Variants in CTNNA2 observed in about 807,000 individuals in gnomAD.
CTNNA2 encodes the protein catenin alpha 2.
CTNNA2 carries 42 observed loss-of-function variants against 101.0 expected under a neutral mutation model. The ratio of observed to expected loss-of-function variants is 0.42; its 90% CI spans 0.32 to 0.54. The LOEUF (loss-of-function observed/expected upper bound fraction) is 0.54. Ranked by LOEUF, CTNNA2 falls within the 20% of genes least tolerant of loss-of-function variation. The pLI, the probability that CTNNA2 is intolerant of heterozygous loss-of-function variation, is 0.14. For missense variants in CTNNA2, 871 were observed against 1,223.1 expected (o/e 0.71, Z 4.29); for synonymous variants, 450 against 456.4 (o/e 0.99, Z 0.18).
chr2:79,325,522 A>G (rs529496274), intron 3 of CTNNA2, among the ~76,000 whole-genome samples: 31 of 152,382 alleles, frequency 2.0e-4, no homozygotes, highest in Admixed American at 9.8e-4. Flanking sequence ...CAAGTGGCTT[A>G]TAAAACAAGA....
intron 3 of CTNNA2, among the ~76,000 whole-genome samples, chr2:79,813,282 A>T (rs1350523173): frequency 6.6e-6 from 1 of 152,208 alleles, no homozygotes; most frequent in African/African-American, 2.4e-5. Flanking sequence ...GCAAAAATAG[A>T]CATCAGAAGG....
chr2:80,073,969 A>G (rs1558781845), intron 7 of CTNNA2, among the ~76,000 whole-genome samples: 1 of 152,220 alleles, frequency 6.6e-6, no homozygotes, highest in East Asian at 1.9e-4. Flanking sequence ...TATTTCTAAT[A>G]TTGACCTACG....
At chr2:80,463,469 G>A (rs556047381) in intron 9 of CTNNA2, among the ~76,000 whole-genome samples, 2 of 152,196 alleles carry the variant, frequency 1.3e-5, no homozygotes, top group African/African-American at 2.4e-5. Flanking sequence ...AGAATCATTC[G>A]GCTCTGGTTA....
At chr2:80,261,169 C>T (rs1672576397) in intron 7 of CTNNA2, among the ~76,000 whole-genome samples, 1 of 152,184 alleles carries the variant, frequency 6.6e-6, no homozygotes. Context: ...ATATGGCTCT[C>T]CTCAGATGAC....
intron 4 of CTNNA2, among the ~76,000 whole-genome samples, chr2:79,414,393 C>T (rs1360564036): frequency 6.6e-6 from 1 of 151,760 alleles, no homozygotes. Flanking sequence ...AATAGAAATC[C>T]CTAAGTATAT....
rs77828228 is a variant in CTNNA2 at position 80,552,684 on chromosome 2, G to A, written c.1541-3009G>A. 5.8e-3 allele frequency among the ~76,000 whole-genome samples: 879 copies of A among 152,150 alleles called. 6 individuals carry two copies. The highest frequency in any genetic ancestry group is 0.02 in the African/African-American group (819 of 41,502). On this transcript the variant is annotated intron_variant, in intron 11 of 18. Coordinates refer to ENST00000402739, the MANE Select transcript of CTNNA2 (RefSeq NM_001282597.3). ...TGCTTACTGCATACCTACACTACAT[G>A]GTATAACCTATTACTCTTAGGCTAC...
intron 3 of CTNNA2, among the ~76,000 whole-genome samples, chr2:79,851,737 C>CTTTTTTTTT (rs11399192): frequency 6.9e-5 from 6 of 87,124 alleles, no homozygotes; most frequent in Admixed American, 1.7e-4. Context: ...TTTTCTTTTC[C>CTTTTTTTTT]TTTTTTTTTT....
At chr2:80,515,795 G>A (rs938114130) in intron 9 of CTNNA2, among the ~76,000 whole-genome samples, 1 of 152,204 alleles carries the variant, frequency 6.6e-6, no homozygotes, top group East Asian at 1.9e-4. Context: ...CCAAGGTCTG[G>A]TGGCTTCAGC....
At chr2:80,102,340 C>T (rs966945946) in intron 7 of CTNNA2, among the ~76,000 whole-genome samples, 5 of 152,186 alleles carry the variant, frequency 3.3e-5, no homozygotes, top group African/African-American at 1.2e-4. Flanking sequence ...TGCTGCCAGA[C>T]TCATCTTCTC....
intron 4 of CTNNA2, among the ~76,000 whole-genome samples, chr2:79,480,189 G>A (rs2902061): frequency 0.6 from 91,512 of 151,666 alleles, 28,022 homozygotes; most frequent in Non-Finnish European, 0.66. Flanking sequence ...GAGAACTGAT[G>A]GAGCAAGAAC....
chr2:80,629,551 G>A (rs1003011542), intron 18 of CTNNA2, among the ~76,000 whole-genome samples: 19 of 152,282 alleles, frequency 1.2e-4, no homozygotes, highest in African/African-American at 4.1e-4. Context: ...GGTCTAGGAA[G>A]TGGAGGAAAG....
chr2:80,604,211 G>C, intron 16 of CTNNA2, 32 bp downstream of exon 16: 1 of 1,555,992 alleles, frequency 6.4e-7, no homozygotes, highest in Non-Finnish European at 8.9e-7. Flanking sequence ...GGCACATGCT[G>C]AGTGGAGTCA....
At chr2:79,544,259 A>G (rs1673594641) in intron 1 of CTNNA2, among the ~76,000 whole-genome samples, 1 of 152,154 alleles carries the variant, frequency 6.6e-6, no homozygotes, top group Non-Finnish European at 1.5e-5. Context: ...TTTTTGAATG[A>G]ATAGTGTGTA....
intron 17 of CTNNA2, among the ~76,000 whole-genome samples, chr2:80,613,591 G>C (rs552794468): frequency 6.6e-6 from 1 of 151,128 alleles, no homozygotes; most frequent in South Asian, 2.1e-4. Flanking sequence ...TTCTGTGATG[G>C]TCACCCTAAA....
chr2:80,599,362 T>C (rs1042092137), intron 15 of CTNNA2, among the ~76,000 whole-genome samples: 5 of 152,146 alleles, frequency 3.3e-5, no homozygotes, highest in Non-Finnish European at 1.5e-5. Context: ...TTGAAACCTA[T>C]GCGATGATAG....
intron 3 of CTNNA2, among the ~76,000 whole-genome samples, chr2:79,779,236 G>C (rs1408729757): frequency 6.6e-6 from 1 of 152,122 alleles, no homozygotes; most frequent in Non-Finnish European, 1.5e-5. Context: ...AAAACTTCTG[G>C]GGTGATTTTG....
At chr2:79,949,839 C>T (rs1248293848) in intron 7 of CTNNA2, among the ~76,000 whole-genome samples, 2 of 152,122 alleles carry the variant, frequency 1.3e-5, no homozygotes, top group Non-Finnish European at 2.9e-5. Flanking sequence ...ATTTTGAAGT[C>T]AGAATGCTAA....
chr2:79,758,414 CTCT>C (rs1672541786), intron 3 of CTNNA2, among the ~76,000 whole-genome samples: 1 of 152,138 alleles, frequency 6.6e-6, no homozygotes, highest in African/African-American at 2.4e-5. Flanking sequence ...CTAGATGTGA[CTCT>C]TCTTTTTTTA....
chr2:79,672,171 A>T (rs1434621072), intron 2 of CTNNA2, among the ~76,000 whole-genome samples: 2 of 152,190 alleles, frequency 1.3e-5, no homozygotes, highest in Non-Finnish European at 2.9e-5. Flanking sequence ...AGATGACATT[A>T]CTTGATGGTT....
Sources: gnomAD v4.1 joint callset for allele counts (sites outside exome capture counted in the v4.1 genomes callset) on GRCh38, gnomAD v4.1.1 for gene constraint, MANE v1.5 for transcripts, NCBI Gene and HGNC (gene_info 2026-07-23, HGNC 2026-07-21) for gene names.